SUGP2: variants seen among roughly 807,000 people sequenced by gnomAD.
SUGP2 encodes SURP and G-patch domain containing 2, also known as SURP and G-patch domain-containing protein 2.
Under a neutral mutation model 90.5 loss-of-function variants are expected in SUGP2, and 24 were observed. That is an observed-to-expected ratio of 0.27 (90% CI 0.19 to 0.37). The LOEUF is 0.37. Ranked by LOEUF, SUGP2 falls within the 10% of genes least tolerant of loss-of-function variation. The pLI is 1.00. For missense variants in SUGP2, 1,233 were observed against 1,363.3 expected, an observed-to-expected ratio of 0.90 and a Z score of 1.51; for synonymous variants, 473 against 513.4, an observed-to-expected ratio of 0.92 and a Z score of 1.06.
Position 18,990,918 on chromosome 19 carries a change from C to A in SUGP2, c.*2823G>T, listed in dbSNP as rs1002143268. ...TGCATTTCCTCTACATTTATTGCAA[C>A]GGCTAAATGATTAACAACATTCACA... On this transcript the variant is annotated 3_prime_UTR_variant, in exon 11 of 11. Transcript: ENST00000452918. 1.3e-5 allele frequency: 2 copies of A among 152,234 alleles called. No homozygotes were observed. Among genetic ancestry groups the A allele is most frequent in the Non-Finnish European group, 2.9e-5 (2 of 68,050 alleles). The allele number at this position is 152,234 out of a possible 1,614,324, so 9.4% of individuals were successfully genotyped here.
intron 3 of SUGP2, among the ~76,000 whole-genome samples, chr19:19,023,420 T>C (rs1366213928): frequency 2.0e-5 from 3 of 152,154 alleles, no homozygotes; most frequent in African/African-American, 7.2e-5. Flanking sequence ...CTTGAACTCC[T>C]GGCCTCAAGC....
chr19:19,005,871 ACACACACACACACACACACAC>A (rs1568400632), intron 6 of SUGP2, among the ~76,000 whole-genome samples: 25 of 24,324 alleles, frequency 1.0e-3, no homozygotes, highest in East Asian at 5.8e-3. Flanking sequence ...ACACACACAC[ACACACACACACACACACACAC>A]CACACACACA....
chr19:18,994,597 C>T, intron 9 of SUGP2, 111 bp from the exon 10 acceptor site: 1 of 1,408,374 alleles, frequency 7.1e-7, no homozygotes, highest in Non-Finnish European at 9.7e-7. Flanking sequence ...GGGACACACA[C>T]TGAGACATCA....
At chr19:19,001,714 C>G (rs1460131608) in intron 7 of SUGP2, 40 bp from the exon 8 acceptor site, 18 of 1,601,570 alleles carry the variant, frequency 1.1e-5, no homozygotes, top group Non-Finnish European at 1.5e-5. Flanking sequence ...CATACATGTG[C>G]TTTTCCTAAA....
intron 6 of SUGP2, among the ~76,000 whole-genome samples, chr19:19,006,523 C>T (rs1406055878): frequency 6.6e-6 from 1 of 151,998 alleles, no homozygotes; most frequent in Non-Finnish European, 1.5e-5. Context: ...CCAACAAGTA[C>T]TACAGCCCAA....
rs1436716267 is a variant in SUGP2 at position 19,033,453 on chromosome 19, G to A, written c.-28C>T. ...GGGCCTCACCCCGAGACCACCGCGC[G>A]CGGAGCCACCCCCGCCGCCGCCTCA... On this transcript the variant is annotated 5_prime_UTR_variant, in exon 1 of 11. Coordinates refer to ENST00000452918, the MANE Select transcript of SUGP2 (RefSeq NM_001017392.5). 7 of 1,394,456 alleles carry A rather than the reference G, an allele frequency of 5.0e-6. No homozygotes were observed. The highest frequency in any genetic ancestry group is 2.6e-4 in the Middle Eastern group (1 of 3,776). 86.4% of individuals were successfully genotyped at this position (1,394,456 alleles called of 1,614,324 possible). A position where few individuals can be genotyped will look rare whatever the true frequency, so the allele number is the denominator to read the frequency against.
intron 5 of SUGP2, among the ~76,000 whole-genome samples, chr19:19,009,412 T>C (rs1171352172): frequency 6.6e-6 from 1 of 151,960 alleles, no homozygotes; most frequent in African/African-American, 2.4e-5. Flanking sequence ...AGTTAGTCGA[T>C]TCGGAGGAAG....
intron 8 of SUGP2, among the ~76,000 whole-genome samples, chr19:18,997,800 A>AAGAAAGAAAG (rs1555725590): frequency 2.7e-4 from 40 of 147,830 alleles, no homozygotes; most frequent in African/African-American, 9.4e-4. Context: ...AAAAAAAAAA[A>AAGAAAGAAAG]AAAGAAAGAA....
At chr19:19,033,808 T>G (rs879721464), upstream of SUGP2, 5 of 253,572 alleles carry the variant, frequency 2.0e-5, no homozygotes, top group Non-Finnish European at 3.0e-5. Context: ...CGCGAGTCTC[T>G]GGGAGGCCAA....
rs147212158 is a variant in SUGP2, at chr19:19,020,597, C to T, written c.1730-1368G>A. 2.8e-3 allele frequency among the ~76,000 whole-genome samples: 418 copies of T among 151,690 alleles called. 2 individuals are homozygous for T. The highest frequency in any genetic ancestry group is 9.5e-3 in the African/African-American group (396 of 41,466). ...TAGCTGGGATTACAGACATGCGCCA[C>T]CACGTACAGCTTTATTTTTTTGTAC... On this transcript the variant is annotated intron_variant, in intron 3 of 10. Transcript: ENST00000452918.
intron 7 of SUGP2, among the ~76,000 whole-genome samples, chr19:19,002,505 GTTTTTTTT>G (rs58282570): frequency 2.1e-4 from 13 of 61,102 alleles, no homozygotes; most frequent in African/African-American, 6.4e-4. Context: ...TAGCAAGTCT[GTTTTTTTT>G]TTTTTTTTTT....
Position 18,994,236 on chromosome 19 carries a change from ATTTTGTGATTTT to A in SUGP2, c.*118_*129del, listed in dbSNP as rs2057479388. 22 of 1,274,678 alleles carry A rather than the reference ATTTTGTGATTTT, an allele frequency of 1.7e-5. No individual in the cohort carries two copies. The South Asian group carries it at 3.1e-4, about 18-fold the overall frequency. The allele number at this position is 1,274,678 out of a possible 1,614,324, so 79.0% of individuals were successfully genotyped here. On this transcript the variant is annotated intron_variant, in intron 10 of 10. Transcript: ENST00000452918. ...TAGACCCTTTTGTTTCCCTCACAGA[ATTTTGTGATTTT>A]TTTTGTGTGTGGCATTTTTGGGGGA... is the stretch of plus-strand genomic sequence containing the variant.
chr19:19,031,055 A>G lies in SUGP2; in HGVS notation c.17T>C (p.Ile6Thr). 6.2e-7 allele frequency: 1 copy of G among 1,612,756 alleles called. No homozygotes were observed. Among genetic ancestry groups the G allele is most frequent in the Non-Finnish European group, 8.5e-7 (1 of 1,179,742 alleles). MAARRITQETFDAVLQ... is the reference protein window; with the variant it reads MAARRTTQETFDAVLQ... The stretch of plus-strand genomic sequence containing the variant: ...TACAGCATCAAAAGTCTCCTGTGTA[A>G]TTCGTCTGGCTGCCATGTTATTTTG... The change falls in exon 2 of 11, where the codon ATT becomes ACT. Residue 6 changes from isoleucine to threonine, a missense_variant. Transcript: ENST00000452918.
chr19:19,030,188 A>C (rs2059099325), intron 2 of SUGP2, among the ~76,000 whole-genome samples: 1 of 151,904 alleles, frequency 6.6e-6, no homozygotes, highest in African/African-American at 2.4e-5. Context: ...AAACATAAAA[A>C]ACACCAAAAA....
At chr19:19,018,959 C>T (rs912891450) in intron 4 of SUGP2, 150 bp downstream of exon 4, 13 of 906,224 alleles carry the variant, frequency 1.4e-5, no homozygotes, top group African/African-American at 3.3e-5. Context: ...GCTGAACCCA[C>T]ATAAATCTGA....
intron 2 of SUGP2, among the ~76,000 whole-genome samples, chr19:19,028,266 G>C (rs933621869): frequency 3.9e-5 from 6 of 152,136 alleles, no homozygotes; most frequent in Admixed American, 3.3e-4. Flanking sequence ...ACTAATATAA[G>C]AGACACAAAT....
chr19:19,006,221 A>AAAAT (rs71168790), intron 6 of SUGP2, among the ~76,000 whole-genome samples: 109,421 of 150,696 alleles, frequency 0.73, 40,241 homozygotes, highest in East Asian at 0.93. Flanking sequence ...TTCCGTCTCA[A>AAAAT]AAATAAATAA....
chr19:19,019,333 C>A, intron 3 of SUGP2, 104 bp from the exon 4 acceptor site: 1 of 1,294,634 alleles, frequency 7.7e-7, no homozygotes, highest in Non-Finnish European at 1.0e-6. Flanking sequence ...CCCAAGCAGG[C>A]ATCAACAACC....
chr19:19,008,268 G>T, intron 6 of SUGP2, 49 bp downstream of exon 6: 1 of 1,430,560 alleles, frequency 7.0e-7, no homozygotes, highest in Non-Finnish European at 9.9e-7. Flanking sequence ...CTTAGACTTT[G>T]TCTCTCTGAG....
Sources: gnomAD v4.1 joint callset for allele counts (sites outside exome capture counted in the v4.1 genomes callset) on GRCh38, gnomAD v4.1.1 for gene constraint, MANE v1.5 for transcripts, NCBI Gene and HGNC (gene_info 2026-07-23, HGNC 2026-07-21) for gene names.